PEX5L: variants seen among roughly 807,000 people sequenced by gnomAD.
The protein encoded by PEX5L is peroxisomal biogenesis factor 5 like, also known as PEX5-related protein.
A neutral mutation model predicts 84.0 loss-of-function variants in PEX5L; 30 were observed. The ratio of observed to expected loss-of-function variants is 0.36; its 90% CI spans 0.27 to 0.48. The LOEUF is 0.48. Among genes scored for constraint, PEX5L ranks in the 20% least tolerant of loss-of-function variants. PEX5L has a pLI of 0.99. For missense variants in PEX5L, 533 were observed against 754.6 expected, an observed-to-expected ratio of 0.71 and a Z score of 3.44; for synonymous variants, 270 against 283.1, an observed-to-expected ratio of 0.95 and a Z score of 0.46.
chr3:179,898,762 C>T (rs977417533), intron 2 of PEX5L, among the ~76,000 whole-genome samples: 2 of 151,980 alleles, frequency 1.3e-5, no homozygotes, highest in Admixed American at 6.6e-5. Flanking sequence ...ATCTAAAAAT[C>T]CTCCAGTGGC....
At chr3:180,031,568 G>C (rs1351812018) in intron 1 of PEX5L, among the ~76,000 whole-genome samples, 1 of 152,198 alleles carries the variant, frequency 6.6e-6, no homozygotes, top group Non-Finnish European at 1.5e-5. Flanking sequence ...CAAACATTCA[G>C]ATTGGATTTA....
At chr3:179,963,943 C>T (rs932893418) in intron 2 of PEX5L, among the ~76,000 whole-genome samples, 3 of 152,062 alleles carry the variant, frequency 2.0e-5, no homozygotes, top group African/African-American at 7.2e-5. Context: ...CCCCAAATTC[C>T]AAGGACATCT....
chr3:180,014,415 C>T (rs1475400582), intron 1 of PEX5L, among the ~76,000 whole-genome samples: 1 of 151,232 alleles, frequency 6.6e-6, no homozygotes, highest in Non-Finnish European at 1.5e-5. Context: ...GAGCTTGCAG[C>T]GAGCCAAGAT....
intron 8 of PEX5L, among the ~76,000 whole-genome samples, chr3:179,830,330 A>G (rs1732378564): frequency 1.7e-5 from 2 of 117,712 alleles, no homozygotes; most frequent in South Asian, 3.1e-4. Context: ...AAAATGGTTG[A>G]CCAAATGTAA....
chr3:179,888,085 A>T, intron 3 of PEX5L: 2 of 1,119,630 alleles, frequency 1.8e-6, no homozygotes, highest in Non-Finnish European at 2.4e-6. Flanking sequence ...ACACGTATTG[A>T]ATCATAGTTG....
chr3:180,012,794 T>C (rs1789602182), intron 1 of PEX5L, among the ~76,000 whole-genome samples: 1 of 152,144 alleles, frequency 6.6e-6, no homozygotes, highest in Non-Finnish European at 1.5e-5. Flanking sequence ...TTAATACCTA[T>C]ATCTTATTAG....
At chr3:179,810,183 AT>A (rs1281403950) in intron 11 of PEX5L, among the ~76,000 whole-genome samples, 9 of 151,400 alleles carry the variant, frequency 5.9e-5, no homozygotes, top group African/African-American at 2.2e-4. Flanking sequence ...CTAATTTTGT[AT>A]TTTTAGTAGA....
At chr3:179,897,915 C>T (rs1759897446) in intron 3 of PEX5L, among the ~76,000 whole-genome samples, 1 of 151,900 alleles carries the variant, frequency 6.6e-6, no homozygotes, top group South Asian at 2.1e-4. Context: ...TTTGTCTTAA[C>T]TAAAGTTGAG....
At chr3:179,869,817 G>A (rs569196614) in intron 7 of PEX5L, among the ~76,000 whole-genome samples, 2 of 152,314 alleles carry the variant, frequency 1.3e-5, no homozygotes, top group East Asian at 3.9e-4. Context: ...TTAGGATTGA[G>A]AATGAAATAC....
At chr3:179,814,068 G>A (rs560988207) in intron 10 of PEX5L, among the ~76,000 whole-genome samples, 32 of 149,576 alleles carry the variant, frequency 2.1e-4, no homozygotes, top group African/African-American at 6.2e-4. Flanking sequence ...TGATCCTCCC[G>A]CCTTAGCCTC....
At chr3:179,890,700 A>T (rs929833783) in intron 3 of PEX5L, among the ~76,000 whole-genome samples, 3 of 152,200 alleles carry the variant, frequency 2.0e-5, no homozygotes, top group African/African-American at 7.2e-5. Flanking sequence ...AAAAAAACTA[A>T]GAGTTTATCC....
In PEX5L at chr3:180,019,960, C is replaced by A. The variant is rs143143928; in HGVS notation, c.21+16619G>T. ...AGTCAGAAATCAAACAATTAGGCTT[C>A]TTAACGAATTAATGTACACTTCAAT... On this transcript the variant is annotated intron_variant, in intron 1 of 14. Transcript: ENST00000467460. Among the ~76,000 whole-genome samples the A allele has an allele frequency of 7.2e-4, 110 of 152,270 alleles. 1 individual carries two copies. The East Asian group carries it at 8.1e-3, about 11-fold the overall frequency.
intron 2 of PEX5L, among the ~76,000 whole-genome samples, chr3:179,953,907 G>T (rs1779777233): frequency 6.6e-6 from 1 of 152,182 alleles, no homozygotes; most frequent in African/African-American, 2.4e-5. Flanking sequence ...GAAAGAAAAT[G>T]CTTAGCAACT....
At chr3:179,853,767 T>C (rs111308136) in intron 8 of PEX5L, among the ~76,000 whole-genome samples, 16 of 149,880 alleles carry the variant, frequency 1.1e-4, no homozygotes, top group African/African-American at 2.2e-4. Flanking sequence ...CTTCCTCCTC[T>C]TCTTCTTCTT....
At chr3:179,891,112 C>G (rs1475249192) in intron 3 of PEX5L, among the ~76,000 whole-genome samples, 1 of 151,706 alleles carries the variant, frequency 6.6e-6, no homozygotes, top group Non-Finnish European at 1.5e-5. Flanking sequence ...CTTCAGGAAG[C>G]CCAGGACAAA....
chr3:179,995,042 C>CTA lies in PEX5L; in HGVS notation c.22-23379_22-23378dup, dbSNP rs150512881. On this transcript the variant is annotated intron_variant, in intron 1 of 14. Coordinates refer to ENST00000467460, the MANE Select transcript of PEX5L (RefSeq NM_016559.3). ...GTGAGTTAATACTTAATAAACTCCCCTATATATATATATGTAGTTATATAT... is the reference window on the plus strand; with the variant it reads ...GTGAGTTAATACTTAATAAACTCCCCTATATATATATATATGTAGTTATATAT... Among the ~76,000 whole-genome samples, 200 of 145,528 alleles carry CTA rather than the reference C, an allele frequency of 1.4e-3. 2 individuals carry two copies. The South Asian group carries it at 0.02, about 14-fold the overall frequency.
intron 2 of PEX5L, among the ~76,000 whole-genome samples, chr3:179,948,646 A>C (rs1778248833): frequency 6.6e-6 from 1 of 152,200 alleles, no homozygotes; most frequent in African/African-American, 2.4e-5. Context: ...TGATGCTATC[A>C]CTTTCAAAAC....
At chr3:180,007,045 T>C (rs1422818788) in intron 1 of PEX5L, among the ~76,000 whole-genome samples, 1 of 152,166 alleles carries the variant, frequency 6.6e-6, no homozygotes, top group Admixed American at 6.5e-5. Flanking sequence ...AACCCAAAAG[T>C]CCACAGTCCA....
chr3:179,915,421 C>T lies in PEX5L; in HGVS notation c.94-17175G>A, dbSNP rs566677841. Among the ~76,000 whole-genome samples, 15 of 152,248 alleles carry T rather than the reference C, an allele frequency of 9.9e-5. No homozygotes were observed. The South Asian group carries it at 1.9e-3, about 19-fold the overall frequency. ...AAAGAGAAGAAACTATAACTTTAAT[C>T]GAACATGCCTTAAGGAAGAACTAGT... On this transcript the variant is annotated intron_variant, in intron 2 of 14. Transcript: ENST00000467460.
Sources: allele counts gnomAD v4.1 joint callset (sites outside exome capture counted in the v4.1 genomes callset), GRCh38; gene constraint gnomAD v4.1.1; transcripts MANE v1.5; gene names NCBI Gene and HGNC (gene_info 2026-07-23, HGNC 2026-07-21).